The following MYO5A variants were observed in gnomAD, a reference collection of about 807,000 sequenced individuals.
MYO5A encodes the protein unconventional myosin-Va.
Under a neutral mutation model 249.7 loss-of-function variants are expected in MYO5A, and 98 were observed. The observed-to-expected ratio is 0.39, with a 90% CI of 0.33 to 0.46. The LOEUF is 0.46. MYO5A is among the 20% of genes least tolerant of loss of function. MYO5A has a pLI of 0.98. For missense variants in MYO5A, 1,696 were observed against 2,308.8 expected (o/e 0.73, Z 5.44); for synonymous variants, 778 against 810.6 (o/e 0.96, Z 0.68).
rs564334210 is a variant in MYO5A, at chr15:52,513,176, A to T, written c.27+15604T>A. The stretch of plus-strand genomic sequence containing the variant: ...CCGGGTGCGGTGGCTCACACCCGTA[A>T]TCCCAGCACTTTGGGAGGCCGAGAT... On this transcript the variant is annotated intron_variant, in intron 1 of 41. Transcript: ENST00000399233. Among the ~76,000 whole-genome samples, 4 of 152,034 alleles carry T rather than the reference A, an allele frequency of 2.6e-5. No individual in the cohort carries two copies. The South Asian group carries it at 8.3e-4, about 32-fold the overall frequency.
chr15:52,393,108 C>A (rs1104800), intron 11 of MYO5A, among the ~76,000 whole-genome samples: 129,193 of 152,198 alleles, frequency 0.85, 58,546 homozygotes, highest in Non-Finnish European at 0.99. Context: ...CACTTCTAGT[C>A]TCTACAGATG....
At chr15:52,351,810 T>C (rs2039968746) in intron 27 of MYO5A, among the ~76,000 whole-genome samples, 1 of 152,204 alleles carries the variant, frequency 6.6e-6, no homozygotes, top group Non-Finnish European at 1.5e-5. Flanking sequence ...CTATGGAGCC[T>C]AGCTTTTGTT....
intron 1 of MYO5A, among the ~76,000 whole-genome samples, chr15:52,468,518 T>A (rs770358184): frequency 6.6e-6 from 1 of 152,038 alleles, no homozygotes; most frequent in Non-Finnish European, 1.5e-5. Context: ...AAATTTTTTT[T>A]AATTAGCTGG....
chr15:52,484,816 G>A (rs2076785084), intron 1 of MYO5A, among the ~76,000 whole-genome samples: 1 of 151,964 alleles, frequency 6.6e-6, no homozygotes, highest in Non-Finnish European at 1.5e-5. Context: ...CCACCAGCCT[G>A]GCCAACATGG....
chr15:52,394,924 G>T (rs1252152713), intron 11 of MYO5A, among the ~76,000 whole-genome samples: 1 of 152,178 alleles, frequency 6.6e-6, no homozygotes, highest in East Asian at 1.9e-4. Flanking sequence ...TCTTATTATG[G>T]AAATAGTCAT....
chr15:52,410,230 T>G, intron 6 of MYO5A, 103 bp downstream of exon 6: 1 of 1,347,664 alleles, frequency 7.4e-7, no homozygotes, highest in East Asian at 2.3e-5. Context: ...ATTGTCATAA[T>G]ATGCTCAAGA....
At chr15:52,395,072 G>A (rs1187591298) in intron 11 of MYO5A, among the ~76,000 whole-genome samples, 1 of 152,174 alleles carries the variant, frequency 6.6e-6, no homozygotes, top group South Asian at 2.1e-4. Flanking sequence ...ATAATGACAA[G>A]TAGCAATTCC....
chr15:52,334,742 A>T (rs1422845669), intron 34 of MYO5A, among the ~76,000 whole-genome samples: 1 of 150,410 alleles, frequency 6.6e-6, no homozygotes, highest in Non-Finnish European at 1.5e-5. Context: ...AGGGAAACAG[A>T]GATGTTTTCT....
intron 32 of MYO5A, among the ~76,000 whole-genome samples, 165 bp from the exon 33 acceptor site, chr15:52,338,049 G>C (rs1180584824): frequency 2.0e-5 from 3 of 152,068 alleles, no homozygotes; most frequent in Non-Finnish European, 4.4e-5. Context: ...TATCTTTCTA[G>C]TATAGATTAT....
intron 5 of MYO5A, among the ~76,000 whole-genome samples, chr15:52,411,763 C>A (rs930699292): frequency 2.0e-5 from 3 of 152,108 alleles, no homozygotes; most frequent in Admixed American, 6.5e-5. Flanking sequence ...CCATACAAGT[C>A]AACACATTAG....
At chr15:52,491,094 C>A (rs1298532072) in intron 1 of MYO5A, among the ~76,000 whole-genome samples, 1 of 152,066 alleles carries the variant, frequency 6.6e-6, no homozygotes, top group African/African-American at 2.4e-5. Context: ...GGTTAACTTA[C>A]GTTATGTGTA....
chr15:52,474,987 G>A (rs1224682345), intron 1 of MYO5A, among the ~76,000 whole-genome samples: 1 of 152,148 alleles, frequency 6.6e-6, no homozygotes, highest in Non-Finnish European at 1.5e-5. Flanking sequence ...TGTACCTCTG[G>A]TAGAACTCGG....
In MYO5A at chr15:52,336,483, T is replaced by C. The variant is rs2039123193; in HGVS notation, c.4388A>G (p.Lys1463Arg). The change falls in exon 34 of 42, where the codon AAA becomes AGA. Residue 1463 changes from lysine to arginine, a missense_variant. Physicochemically the swap from Lys to Arg is conservative, Grantham distance 26. This residue lies in a region of MYO5A where 625 missense variants were observed against 908.1 expected (regional missense o/e 0.69). Transcript: ENST00000399233. ...KLKKQLKVFA[K>R]KIGELEVGQM... ...AATACCTTCTAGTTCGCCAATTTTT[T>C]TGGCAAATACTTTCAGTTGTTTTTT... The C allele has an allele frequency of 1.2e-6, 2 of 1,605,494 alleles. No homozygotes were observed. The highest frequency in any genetic ancestry group is 1.7e-6 in the Non-Finnish European group (2 of 1,174,362).
intron 4 of MYO5A, among the ~76,000 whole-genome samples, chr15:52,418,216 G>A (rs2043609179): frequency 6.6e-6 from 1 of 152,176 alleles, no homozygotes; most frequent in Non-Finnish European, 1.5e-5. Context: ...GTCCTTTCAA[G>A]GGCCTCCACA....
At chr15:52,457,102 C>T (rs2141393229) in intron 1 of MYO5A, among the ~76,000 whole-genome samples, 1 of 151,900 alleles carries the variant, frequency 6.6e-6, no homozygotes, top group South Asian at 2.1e-4. Flanking sequence ...GAACTCAATT[C>T]AACAGCAAAA....
chr15:52,321,952 G>T (rs8040558), intron 37 of MYO5A, among the ~76,000 whole-genome samples: 1 of 151,992 alleles, frequency 6.6e-6, no homozygotes, highest in Non-Finnish European at 1.5e-5. Flanking sequence ...GAAATAGACC[G>T]ATTTCTACAG....
intron 2 of MYO5A, among the ~76,000 whole-genome samples, chr15:52,428,841 T>C (rs755666444): frequency 1.3e-5 from 2 of 152,156 alleles, no homozygotes; most frequent in African/African-American, 2.4e-5. Flanking sequence ...GAATCAGAAG[T>C]TTTAAACTTT....
In MYO5A at chr15:52,512,127, C is replaced by T. The variant is rs1243762601; in HGVS notation, c.27+16653G>A. On this transcript the variant is annotated intron_variant, in intron 1 of 41. Coordinates refer to ENST00000399233, the MANE Select transcript of MYO5A (RefSeq NM_001382347.1). The stretch of plus-strand genomic sequence containing the variant: ...GCAGTGAGCCGAGATTGCGCCACTG[C>T]ACTCCAGCCTAGGCGACAGAGCAAG... Among the ~76,000 whole-genome samples the T allele has an allele frequency of 2.7e-5, 4 of 146,730 alleles. No homozygotes were observed. The South Asian group carries it at 8.5e-4, about 31-fold the overall frequency.
intron 9 of MYO5A, among the ~76,000 whole-genome samples, chr15:52,404,756 G>C (rs905377209): frequency 1.1e-4 from 17 of 152,144 alleles, no homozygotes; most frequent in African/African-American, 3.9e-4. Flanking sequence ...GCAAAGCCAG[G>C]AGAGAGAAAC....
Sources: gnomAD v4.1 joint callset for allele counts (sites outside exome capture counted in the v4.1 genomes callset) on GRCh38, gnomAD v4.1.1 for gene constraint, gnomAD v4.1.1 regional missense constraint, MANE v1.5 for transcripts, NCBI Gene and HGNC (gene_info 2026-07-23, HGNC 2026-07-21) for gene names.